The following RASGEF1C variants were observed in gnomAD, a reference collection of about 807,000 sequenced individuals.
RASGEF1C encodes the protein RasGEF domain family member 1C.
Under a neutral mutation model 58.1 loss-of-function variants are expected in RASGEF1C, and 27 were observed. The observed-to-expected ratio is 0.46, with a 90% confidence interval of 0.34 to 0.64. The LOEUF (loss-of-function observed/expected upper bound fraction) is 0.64. RASGEF1C is among the 30% of genes least tolerant of loss of function. RASGEF1C has a pLI of 0.01. For missense variants in RASGEF1C, 502 were observed against 605.1 expected, an observed-to-expected ratio of 0.83 and a Z score of 1.79; for synonymous variants, 243 against 246.3, an observed-to-expected ratio of 0.99 and a Z score of 0.13.
chr5:180,111,411 A>G lies in RASGEF1C; in HGVS notation c.1303+46T>C, dbSNP rs748512602. On this transcript the variant is annotated intron_variant, in intron 12 of 13. Transcript: ENST00000361132. ...TGAATGGTGACTGAGAGGCTACCCC[A>G]GAGTTCCGTGGCCCAGTAGGCAGGA... The G allele has an allele frequency of 4.0e-5, 65 of 1,613,240 alleles. No homozygotes were observed. The South Asian group carries it at 6.8e-4, about 17-fold the overall frequency.
Position 180,137,171 on chromosome 5 carries a change from G to T in RASGEF1C, c.300+419C>A, listed in dbSNP as rs1335763041. On this transcript the variant is annotated intron_variant, in intron 3 of 13. Transcript: ENST00000361132. The surrounding 1 kb of genome is among the most constrained non-coding windows in gnomAD (Gnocchi z 4.1). ...CAGCTAAGTCCTTTTGGTTCAGGCG[G>T]GTTGAAGTTGGGTCTCTCCCACTAG... Among the ~76,000 whole-genome samples the T allele has an allele frequency of 6.6e-6, 1 of 152,152 alleles. No homozygotes were observed. Among genetic ancestry groups the T allele is most frequent in the African/African-American group, 2.4e-5 (1 of 41,436 alleles).
intron 1 of RASGEF1C, among the ~76,000 whole-genome samples, chr5:180,172,783 C>A (rs538163624): frequency 2.0e-5 from 3 of 152,098 alleles, no homozygotes; most frequent in Non-Finnish European, 4.4e-5. Flanking sequence ...TCTGTGCCCC[C>A]TGCCTCCTGT....
chr5:180,117,529 C>T (rs1561732715), intron 10 of RASGEF1C, among the ~76,000 whole-genome samples: 1 of 152,226 alleles, frequency 6.6e-6, no homozygotes, highest in Admixed American at 6.5e-5. Context: ...GTTTCCTCTC[C>T]ATAGAGATGA....
At chr5:180,120,649 C>T (rs906033586) in intron 7 of RASGEF1C, among the ~76,000 whole-genome samples, 3 of 152,192 alleles carry the variant, frequency 2.0e-5, no homozygotes, top group Non-Finnish European at 2.9e-5. Context: ...GCTAGAACCA[C>T]GGGCTTTTAC....
At chr5:180,154,439 A>T (rs1766820377) in intron 1 of RASGEF1C, among the ~76,000 whole-genome samples, 1 of 152,164 alleles carries the variant, frequency 6.6e-6, no homozygotes, top group African/African-American at 2.4e-5. Flanking sequence ...TTTTGTTCTC[A>T]TATGTCAGTG....
intron 12 of RASGEF1C, among the ~76,000 whole-genome samples, chr5:180,109,731 T>C (rs1267716437): frequency 6.6e-6 from 1 of 152,096 alleles, no homozygotes; most frequent in African/African-American, 2.4e-5. Context: ...AGTGATGCAC[T>C]TGGAAGATGA....
chr5:180,149,454 T>C (rs1766712026), intron 1 of RASGEF1C, among the ~76,000 whole-genome samples: 1 of 150,854 alleles, frequency 6.6e-6, no homozygotes, highest in South Asian at 2.1e-4. Flanking sequence ...GTTTTTGTTT[T>C]GTTTTGTTTT....
In RASGEF1C at chr5:180,171,342, C is replaced by G. The variant is rs574805226; in HGVS notation, c.-6-33284G>C. Among the ~76,000 whole-genome samples the G allele has an allele frequency of 1.7e-3, 253 of 152,126 alleles. 1 individual carries two copies. The highest frequency in any genetic ancestry group is 6.8e-3 in the Middle Eastern group (2 of 294). ...ACCCCAGAGGCCACAGCAGCAGCCT[C>G]GTGTTCAGACCTGAAGACTGGTGGA... On this transcript the variant is annotated intron_variant, in intron 1 of 13. Transcript: ENST00000361132.
intron 12 of RASGEF1C, among the ~76,000 whole-genome samples, chr5:180,104,436 G>C (rs1765843358): frequency 6.6e-6 from 1 of 152,188 alleles, no homozygotes; most frequent in African/African-American, 2.4e-5. Flanking sequence ...TAGAAGCAGA[G>C]AGCAGCCCTC....
rs1766843762 is a variant in RASGEF1C at position 180,156,068 on chromosome 5, C to T, written c.-6-18010G>A. Among the ~76,000 whole-genome samples the T allele has an allele frequency of 1.3e-5, 2 of 152,152 alleles. No individual in the cohort carries two copies. Among genetic ancestry groups the T allele is most frequent in the African/African-American group, 4.8e-5 (2 of 41,422 alleles). ...AGAGCGTTACCAGTACCTTAAAATC[C>T]CTAATGCATCTTCCTCAACCGGTCC... On this transcript the variant is annotated intron_variant, in intron 1 of 13. Transcript: ENST00000361132. The surrounding 1 kb of genome is among the most constrained non-coding windows in gnomAD (Gnocchi z 4.9).
rs1271836140 is a variant in RASGEF1C, at chr5:180,209,144, C to A, written c.-123G>T. On this transcript the variant is annotated 5_prime_UTR_variant, in exon 1 of 14. Coordinates refer to ENST00000361132, the MANE Select transcript of RASGEF1C (RefSeq NM_175062.4). ...GCCGCCGCCGCCGCCGCCGCCGCCG[C>A]CGCCGCCCGACCGCCCGGCTCCCAG... The A allele has an allele frequency of 7.3e-6, 1 of 137,358 alleles. No homozygotes were observed. The highest frequency in any genetic ancestry group is 1.6e-5 in the Non-Finnish European group (1 of 63,370). 8.5% of individuals were successfully genotyped at this position (137,358 alleles called of 1,614,324 possible).
At chr5:180,109,452 C>T (rs953086454) in intron 12 of RASGEF1C, among the ~76,000 whole-genome samples, 16 of 151,508 alleles carry the variant, frequency 1.1e-4, no homozygotes, top group South Asian at 2.1e-4. Context: ...AGCGAGACTC[C>T]GTCTCAAAAA....
At chr5:180,148,387 GTTT>G (rs59348293) in intron 1 of RASGEF1C, among the ~76,000 whole-genome samples, 6 of 151,284 alleles carry the variant, frequency 4.0e-5, no homozygotes, top group South Asian at 2.1e-4. Flanking sequence ...CCATTTTGCT[GTTT>G]TTTTTTTTCT....
rs1261196282 is a variant in RASGEF1C at position 180,168,512 on chromosome 5, A to G, written c.-6-30454T>C. Among the ~76,000 whole-genome samples the G allele has an allele frequency of 1.3e-5, 2 of 152,184 alleles. No individual in the cohort carries two copies. The highest frequency in any genetic ancestry group is 2.1e-4 in the South Asian group (1 of 4,826). On this transcript the variant is annotated intron_variant, in intron 1 of 13. Coordinates refer to ENST00000361132, the MANE Select transcript of RASGEF1C (RefSeq NM_175062.4). This position sits in a 1 kb window ranked among gnomAD's most constrained non-coding sequence, Gnocchi z 6.0. ...CTGAGCAATCTTTATGGTATCTTCC[A>G]GTTTCCTGGGGCTCTGCATTTCCGT...
chr5:180,161,758 G>C (rs1766949034), intron 1 of RASGEF1C, among the ~76,000 whole-genome samples: 1 of 152,214 alleles, frequency 6.6e-6, no homozygotes, highest in African/African-American at 2.4e-5. Flanking sequence ...TGACGCCCCC[G>C]CCCCCATTCA....
intron 5 of RASGEF1C, 53 bp downstream of exon 5, chr5:180,128,357 C>G (rs538036673): frequency 1.6e-5 from 24 of 1,505,828 alleles, no homozygotes; most frequent in Non-Finnish European, 1.9e-5. Flanking sequence ...CACAGTGTAT[C>G]TGTGTGTGTC....
intron 12 of RASGEF1C, among the ~76,000 whole-genome samples, chr5:180,102,894 C>T (rs995587963): frequency 1.3e-5 from 2 of 152,124 alleles, no homozygotes; most frequent in African/African-American, 2.4e-5. Context: ...CTTTGACTTC[C>T]GATACAAATT....
rs1766836439 is a variant in RASGEF1C, at chr5:180,155,608, G to A, written c.-6-17550C>T. Among the ~76,000 whole-genome samples, 1 of 151,876 alleles carries A rather than the reference G, an allele frequency of 6.6e-6. No homozygotes were observed. The highest frequency in any genetic ancestry group is 6.6e-5 in the Admixed American group (1 of 15,260). ...GGCTTGCAGGCAATCTGTTGGATGC[G>A]AGGCGACAGCACCAAGACCCACGGC... is the stretch of plus-strand genomic sequence containing the variant. On this transcript the variant is annotated intron_variant, in intron 1 of 13. Transcript: ENST00000361132. This position sits in a 1 kb window ranked among gnomAD's most constrained non-coding sequence, Gnocchi z 5.2.
chr5:180,137,439 C>T lies in RASGEF1C; in HGVS notation c.300+151G>A, dbSNP rs1327414263. On this transcript the variant is annotated intron_variant, in intron 3 of 13. Coordinates refer to ENST00000361132, the MANE Select transcript of RASGEF1C (RefSeq NM_175062.4). The surrounding 1 kb of genome is among the most constrained non-coding windows in gnomAD (Gnocchi z 4.1). ...AAAGGTCCTGTTCTGCTCCTTCTGG[C>T]TCTGGGCCTCAGACAAGGTGGAAAC... 5 of 1,066,726 alleles carry T rather than the reference C, an allele frequency of 4.7e-6. No individual in the cohort carries two copies. Among genetic ancestry groups the T allele is most frequent in the Non-Finnish European group, 6.8e-6 (5 of 732,578 alleles). 66.1% of individuals were successfully genotyped at this position (1,066,726 alleles called of 1,614,324 possible).
Sources: gnomAD v4.1 joint callset for allele counts (sites outside exome capture counted in the v4.1 genomes callset) on GRCh38, gnomAD v4.1.1 for gene constraint, Gnocchi (gnomAD v3.1) non-coding constraint, MANE v1.5 for transcripts, NCBI Gene and HGNC (gene_info 2026-07-23, HGNC 2026-07-21) for gene names.